COXFA4: variants seen among roughly 807,000 people sequenced by gnomAD.
COXFA4 encodes the protein cytochrome c oxidase subunit FA4.
chr7:10,931,968 A>G, the COXFA4 span: 1 of 152,172 alleles, frequency 6.6e-6, no homozygotes, highest in East Asian at 1.9e-4. Context: ...TGTAGCATTT[A>G]TTTGGAGTTG....
chr7:10,938,277 A>C, the COXFA4 span: 5 of 798,218 alleles, frequency 6.3e-6, no homozygotes, highest in African/African-American at 5.2e-5. Flanking sequence ...TTCATTATGA[A>C]GTTGAAACAG....
the COXFA4 span, chr7:10,940,090 A>T: frequency 1.9e-6 from 3 of 1,611,174 alleles, no homozygotes; most frequent in Non-Finnish European, 2.5e-6. Context: ...TGGAAAGGAG[A>T]GAACCGACCT....
chr7:10,934,557 T>C, the COXFA4 span, among the ~76,000 whole-genome samples: 1 of 152,170 alleles, frequency 6.6e-6, no homozygotes, highest in South Asian at 2.1e-4. Flanking sequence ...CTATAATTAC[T>C]TGAAGACTAT....
At chr7:10,935,210 C>T in the COXFA4 span, among the ~76,000 whole-genome samples, 14 of 152,202 alleles carry the variant, frequency 9.2e-5, no homozygotes, top group African/African-American at 3.4e-4. Context: ...AAGCAGGCTC[C>T]TGATTTACTT....
the COXFA4 span, among the ~76,000 whole-genome samples, chr7:10,937,387 A>AT: frequency 6.6e-6 from 1 of 151,490 alleles, no homozygotes; most frequent in South Asian, 2.1e-4. Context: ...GGTTCAAGCG[A>AT]TTCTCCTGCC....
chr7:10,939,945 G>A, the COXFA4 span: 10 of 1,554,520 alleles, frequency 6.4e-6, no homozygotes, highest in Middle Eastern at 8.3e-4. Flanking sequence ...ACGTTCCCAG[G>A]GAACAGAAAG....
the COXFA4 span, chr7:10,933,080 T>A: frequency 6.5e-6 from 1 of 154,388 alleles, no homozygotes; most frequent in African/African-American, 2.4e-5. Flanking sequence ...TAAACTCAGA[T>A]TTCAACTTCA....
At chr7:10,939,887 G>A in the COXFA4 span, 1 of 1,031,488 alleles carries the variant, frequency 9.7e-7, no homozygotes, top group Non-Finnish European at 1.5e-6. Flanking sequence ...ACAAACACTA[G>A]GCGAGGCAGG....
chr7:10,932,336 C>G, the COXFA4 span: 2 of 152,294 alleles, frequency 1.3e-5, no homozygotes, highest in East Asian at 3.9e-4. Context: ...AGCATGGAGT[C>G]TGGTAACTGA....
the COXFA4 span, chr7:10,932,922 T>C: frequency 6.6e-6 from 1 of 151,750 alleles, no homozygotes; most frequent in Non-Finnish European, 1.5e-5. Flanking sequence ...GTGATCCATG[T>C]TTGTACCACT....
At chr7:10,935,878 G>A in the COXFA4 span, among the ~76,000 whole-genome samples, 2 of 152,194 alleles carry the variant, frequency 1.3e-5, no homozygotes, top group Non-Finnish European at 2.9e-5. Flanking sequence ...TCTGTATGCT[G>A]ATTGCTCCAT....
At chr7:10,933,582 T>C in the COXFA4 span, 9 of 1,414,320 alleles carry the variant, frequency 6.4e-6, no homozygotes, top group Non-Finnish European at 8.9e-6. Context: ...ATTGTGCGGA[T>C]GTGGCTTCTG....
At chr7:10,939,689 C>T in the COXFA4 span, 7 of 413,932 alleles carry the variant, frequency 1.7e-5, no homozygotes, top group South Asian at 1.3e-4. Context: ...CTGACCCACA[C>T]AGCGCACATC....
the COXFA4 span, chr7:10,932,974 A>C: frequency 2.0e-5 from 3 of 152,322 alleles, no homozygotes; most frequent in Non-Finnish European, 4.4e-5. Flanking sequence ...AAAAAAAAAA[A>C]AAAGAAAAAA....
At chr7:10,938,966 A>T in the COXFA4 span, 1 of 1,170,314 alleles carries the variant, frequency 8.5e-7, no homozygotes, top group Non-Finnish European at 1.3e-6. Context: ...AGATTACAGT[A>T]GTTTCTGCAC....
the COXFA4 span, chr7:10,939,909 C>A: frequency 7.8e-7 from 1 of 1,286,024 alleles, no homozygotes; most frequent in Non-Finnish European, 1.1e-6. Context: ...TCTGGTCTGA[C>A]GGACGGTAAG....
the COXFA4 span, chr7:10,938,095 A>G: frequency 7.4e-6 from 12 of 1,612,810 alleles, no homozygotes; most frequent in Non-Finnish European, 9.3e-6. Context: ...TTTACCTTGT[A>G]TTGATCATTG....
At chr7:10,938,820 T>C in the COXFA4 span, 3 of 1,612,942 alleles carry the variant, frequency 1.9e-6, no homozygotes, top group South Asian at 1.1e-5. Context: ...AACATCTGGA[T>C]TGAACAATGC....
the COXFA4 span, chr7:10,939,688 A>T: frequency 2.4e-6 from 1 of 413,888 alleles, no homozygotes; most frequent in South Asian, 2.2e-5. Context: ...TCTGACCCAC[A>T]CAGCGCACAT....
Sources: gnomAD v4.1 joint callset for allele counts (sites outside exome capture counted in the v4.1 genomes callset) on GRCh38, gnomAD v4.1.1 for gene constraint, MANE v1.5 for transcripts, NCBI Gene and HGNC (gene_info 2026-07-23, HGNC 2026-07-21) for gene names.